The following ZFHX3 variants were observed in gnomAD, a reference collection of about 807,000 sequenced individuals.
ZFHX3 encodes the protein zinc finger homeobox protein 3.
ZFHX3 carries 42 observed loss-of-function variants against 279.1 expected under a neutral mutation model. The observed-to-expected ratio is 0.15, with a 90% CI of 0.12 to 0.19. The LOEUF (loss-of-function observed/expected upper bound fraction) is 0.19. Among genes scored for constraint, ZFHX3 ranks in the 10% least tolerant of loss-of-function variants. The pLI is 1.00. For missense variants in ZFHX3, 4,981 were observed against 4,754.0 expected (o/e 1.05, Z -1.40); for synonymous variants, 2,293 against 1,957.8 (o/e 1.17, Z -4.52).
chr16:73,877,207 G>C (rs563109085), intron 1 of ZFHX3, among the ~76,000 whole-genome samples: 1 of 142,060 alleles, frequency 7.0e-6, no homozygotes, highest in East Asian at 2.4e-4. Flanking sequence ...TAGGTCGGGG[G>C]GGGGTCCCAG....
chr16:73,399,760 T>C (rs2017208890), intron 3 of ZFHX3, among the ~76,000 whole-genome samples: 1 of 151,990 alleles, frequency 6.6e-6, no homozygotes, highest in Non-Finnish European at 1.5e-5. Flanking sequence ...TTTCAGAAGA[T>C]GTAGCTGTCT....
chr16:73,046,727 G>C (rs1181326882), intron 1 of ZFHX3, among the ~76,000 whole-genome samples: 2 of 152,128 alleles, frequency 1.3e-5, no homozygotes, highest in Non-Finnish European at 2.9e-5. Flanking sequence ...AAGATGATGT[G>C]TAACTTTCTC....
At chr16:73,153,710 C>T (rs1371869320) in intron 5 of ZFHX3, among the ~76,000 whole-genome samples, 1 of 151,888 alleles carries the variant, frequency 6.6e-6, no homozygotes, top group South Asian at 2.1e-4. Flanking sequence ...AGTGCAGTGG[C>T]GTGATCTCGG....
chr16:73,181,688 GA>G (rs1431188416), intron 5 of ZFHX3, among the ~76,000 whole-genome samples: 1 of 152,194 alleles, frequency 6.6e-6, no homozygotes, highest in Non-Finnish European at 1.5e-5. Flanking sequence ...TGGGACAAAT[GA>G]GCTTTAATGA....
chr16:73,736,090 G>A (rs2053607803), intron 1 of ZFHX3, among the ~76,000 whole-genome samples: 1 of 151,978 alleles, frequency 6.6e-6, no homozygotes, highest in Non-Finnish European at 1.5e-5. Context: ...ACAGCTCCTT[G>A]AGGCAGCATG....
chr16:73,428,285 T>G (rs2017847552), intron 3 of ZFHX3, among the ~76,000 whole-genome samples: 1 of 152,106 alleles, frequency 6.6e-6, no homozygotes, highest in African/African-American at 2.4e-5. Context: ...TCCCACCATA[T>G]TAATTACTAC....
chr16:72,962,815 A>AAC (rs1260001200), intron 1 of ZFHX3, among the ~76,000 whole-genome samples: 1 of 152,032 alleles, frequency 6.6e-6, no homozygotes, highest in African/African-American at 2.4e-5. Flanking sequence ...ATTGCTAGGT[A>AAC]ACCAGGGAAG....
intron 3 of ZFHX3, among the ~76,000 whole-genome samples, chr16:73,431,015 A>T (rs1221751410): frequency 6.6e-6 from 1 of 152,216 alleles, no homozygotes; most frequent in Non-Finnish European, 1.5e-5. Context: ...AGTAAAGAGA[A>T]ATGGAAATTT....
At chr16:73,151,714 C>A (rs1966945600) in intron 5 of ZFHX3, among the ~76,000 whole-genome samples, 1 of 152,122 alleles carries the variant, frequency 6.6e-6, no homozygotes, top group Non-Finnish European at 1.5e-5. Flanking sequence ...GAGATCTAAT[C>A]TGAATTCCTC....
chr16:73,198,287 G>A (rs898956084), intron 5 of ZFHX3, among the ~76,000 whole-genome samples: 3 of 149,994 alleles, frequency 2.0e-5, no homozygotes, highest in African/African-American at 7.3e-5. Context: ...AAGACTGTAA[G>A]TCTTTTAACT....
At chr16:73,170,932 GGAAAA>G (rs1967506512) in intron 5 of ZFHX3, among the ~76,000 whole-genome samples, 1 of 152,128 alleles carries the variant, frequency 6.6e-6, no homozygotes, top group Non-Finnish European at 1.5e-5. Context: ...GACGCACCGT[GGAAAA>G]TCCAGAGCCG....
At chr16:72,817,572 A>C (rs2143640521) in intron 5 of ZFHX3, among the ~76,000 whole-genome samples, 1 of 152,230 alleles carries the variant, frequency 6.6e-6, no homozygotes, top group South Asian at 2.1e-4. Context: ...TCATCACTAA[A>C]CACACCAGTG....
intron 4 of ZFHX3, among the ~76,000 whole-genome samples, chr16:73,268,833 A>G (rs2144977436): frequency 6.6e-6 from 1 of 152,250 alleles, no homozygotes; most frequent in African/African-American, 2.4e-5. Context: ...TGCTTCCTAC[A>G]AAGGGGCACA....
chr16:73,690,137 G>A (rs139850138), intron 1 of ZFHX3, among the ~76,000 whole-genome samples: 21 of 152,172 alleles, frequency 1.4e-4, no homozygotes, highest in Admixed American at 5.2e-4. Flanking sequence ...GACTGATCTC[G>A]AACTCCTGAC....
intron 2 of ZFHX3, among the ~76,000 whole-genome samples, chr16:73,456,479 C>G (rs2143570934): frequency 6.6e-6 from 1 of 152,252 alleles, no homozygotes; most frequent in Non-Finnish European, 1.5e-5. Flanking sequence ...AGGAAAACAT[C>G]CACAGCAATT....
At chr16:73,351,911 T>C (rs2016249195) in intron 3 of ZFHX3, among the ~76,000 whole-genome samples, 1 of 152,190 alleles carries the variant, frequency 6.6e-6, no homozygotes, top group African/African-American at 2.4e-5. Flanking sequence ...CAGCTGAACA[T>C]TACAAAAGTA....
intron 1 of ZFHX3, among the ~76,000 whole-genome samples, chr16:73,878,940 G>A (rs370317431): frequency 7.1e-6 from 1 of 141,030 alleles, no homozygotes; most frequent in Non-Finnish European, 1.5e-5. Context: ...AAAAAGATAA[G>A]ATATATATAT....
At chr16:72,877,961 G>C (rs1318820192) in intron 4 of ZFHX3, among the ~76,000 whole-genome samples, 1 of 152,188 alleles carries the variant, frequency 6.6e-6, no homozygotes, top group Non-Finnish European at 1.5e-5. Context: ...TTGGGAGGCT[G>C]AGGCAGGAGG....
At chr16:73,200,076 T>C (rs959278020) in intron 5 of ZFHX3, among the ~76,000 whole-genome samples, 2 of 152,186 alleles carry the variant, frequency 1.3e-5, no homozygotes, top group Non-Finnish European at 2.9e-5. Context: ...AATGTCAGCA[T>C]GATGAAAAAA....
Sources: allele counts gnomAD v4.1 joint callset (sites outside exome capture counted in the v4.1 genomes callset), GRCh38; gene constraint gnomAD v4.1.1; transcripts MANE v1.5; gene names NCBI Gene and HGNC (gene_info 2026-07-23, HGNC 2026-07-21).